The following PLEKHA7 variants were observed in gnomAD, a reference collection of about 807,000 sequenced individuals.
PLEKHA7 encodes the protein pleckstrin homology domain-containing family A member 7.
Under a neutral mutation model 170.0 loss-of-function variants are expected in PLEKHA7, and 104 were observed. That is an observed-to-expected ratio of 0.61 (90% CI 0.52 to 0.72). The LOEUF (loss-of-function observed/expected upper bound fraction) is 0.72, where lower values mean the gene tolerates loss of function less well. Ranked by LOEUF, PLEKHA7 falls within the 30% of genes least tolerant of loss-of-function variation. The pLI is 0.00. For synonymous variants in PLEKHA7, 648 were observed against 660.8 expected, an observed-to-expected ratio of 0.98 and a Z score of 0.30; for missense variants, 1,615 against 1,671.7, an observed-to-expected ratio of 0.97 and a Z score of 0.59.
At position 16,801,128 on chromosome 11, in the gene PLEKHA7, A is replaced by G. The variant is rs527777612; in HGVS notation, c.2308-53T>C. Reference sequence around the variant, plus strand: ...CTTAGTTATCCCCTGCCCCCTTGGAAGGCCTCACGAACACCTGTACTCCTG... The same window carrying G: ...CTTAGTTATCCCCTGCCCCCTTGGAGGGCCTCACGAACACCTGTACTCCTG... On this transcript the variant is annotated intron_variant, in intron 16 of 26. Coordinates refer to ENST00000531066, the MANE Select transcript of PLEKHA7 (RefSeq NM_001329630.2). 3.3e-6 allele frequency: 5 copies of G among 1,501,902 alleles called. No individual in the cohort carries two copies. In the African/African-American group the frequency reaches 5.5e-5, roughly 17 times the overall value. 93.0% of individuals were successfully genotyped at this position (1,501,902 alleles called of 1,614,324 possible). A position where few individuals can be genotyped will look rare whatever the true frequency, so the allele number is the denominator to read the frequency against.
intron 9 of PLEKHA7, among the ~76,000 whole-genome samples, chr11:16,832,552 A>C (rs1043877668): frequency 2.6e-5 from 4 of 152,182 alleles, no homozygotes; most frequent in African/African-American, 9.7e-5. Flanking sequence ...CAAATCATTT[A>C]TCTCATCAGG....
At chr11:16,844,203 GAAAT>G (rs1290040094) in intron 8 of PLEKHA7, among the ~76,000 whole-genome samples, 1 of 152,180 alleles carries the variant, frequency 6.6e-6, no homozygotes, top group Non-Finnish European at 1.5e-5. Flanking sequence ...CCTTGTCCAG[GAAAT>G]CAACATGGGA....
intron 3 of PLEKHA7, among the ~76,000 whole-genome samples, chr11:16,942,382 C>T (rs1228818655): frequency 6.6e-6 from 1 of 152,208 alleles, no homozygotes; most frequent in Non-Finnish European, 1.5e-5. Context: ...TTCCTATTCT[C>T]CTCATAATCC....
At chr11:16,816,354 G>A in intron 11 of PLEKHA7, 90 bp from the exon 12 acceptor site, 1 of 869,440 alleles carries the variant, frequency 1.2e-6, no homozygotes, top group Non-Finnish European at 1.9e-6. Flanking sequence ...TCCCCTCTGA[G>A]CCCCAGACTT....
chr11:16,787,163 G>C (rs1182915047), intron 23 of PLEKHA7: 3 of 985,316 alleles, frequency 3.0e-6, no homozygotes, highest in Admixed American at 6.1e-5. Flanking sequence ...TGTTGACCCA[G>C]GACCTGCATC....
At chr11:16,943,187 ATAT>A (rs1232513196) in intron 3 of PLEKHA7, among the ~76,000 whole-genome samples, 2 of 152,256 alleles carry the variant, frequency 1.3e-5, no homozygotes, top group Non-Finnish European at 2.9e-5. Flanking sequence ...AATTTTCATA[ATAT>A]ATTTTACTTA....
chr11:16,788,630 G>C, intron 23 of PLEKHA7: 1 of 195,788 alleles, frequency 5.1e-6, no homozygotes, highest in Non-Finnish European at 1.1e-5. Context: ...AGCCCAGGGA[G>C]ACCAGTGGCC....
intron 3 of PLEKHA7, among the ~76,000 whole-genome samples, chr11:16,939,711 T>A (rs758191163): frequency 9.9e-5 from 15 of 152,130 alleles, no homozygotes; most frequent in Non-Finnish European, 1.9e-4. Flanking sequence ...TTTTCGTGTT[T>A]TCTCTCCTCA....
At chr11:16,819,217 CCTCCTGAGTAG>C (rs1446225399) in intron 10 of PLEKHA7, among the ~76,000 whole-genome samples, 3 of 152,198 alleles carry the variant, frequency 2.0e-5, no homozygotes, top group African/African-American at 7.2e-5. Context: ...CCTGCCTCAG[CCTCCTGAGTAG>C]CTGGGACTAT....
rs1022597755 is a variant in PLEKHA7 at position 16,786,260 on chromosome 11, G to C, written c.3485C>G (p.Pro1162Arg). 1 of 1,536,158 alleles carries C rather than the reference G, an allele frequency of 6.5e-7. No individual in the cohort carries two copies. Among genetic ancestry groups the C allele is most frequent in the Admixed American group, 2.0e-5 (1 of 51,010 alleles). ...AMPVTELDLE[P>R]QDYDLDISRE... ...GCTGATGTCCAAGTCATAGTCTTGA[G>C]GCTCCAGGTCCAACTCAGTGACAGG... The change falls in exon 24 of 27, where the codon CCT becomes CGT. Residue 1162 changes from proline to arginine, a missense_variant. Coordinates refer to ENST00000531066, the MANE Select transcript of PLEKHA7 (RefSeq NM_001329630.2).
In PLEKHA7 at chr11:16,777,631, A is replaced by G. The variant is rs1848764213; in HGVS notation, c.*1367T>C. The G allele has an allele frequency of 6.6e-6, 1 of 152,244 alleles. No individual in the cohort carries two copies. Among genetic ancestry groups the G allele is most frequent in the South Asian group, 2.1e-4 (1 of 4,830 alleles). 9.4% of individuals were successfully genotyped at this position (152,244 alleles called of 1,614,324 possible). A position where few individuals can be genotyped will look rare whatever the true frequency, so the allele number is the denominator to read the frequency against. On this transcript the variant is annotated 3_prime_UTR_variant, in exon 27 of 27. Coordinates refer to ENST00000531066, the MANE Select transcript of PLEKHA7 (RefSeq NM_001329630.2). ...AAACGTCATTGTTTATATGCAGAAT[A>G]ATATAAGAAAACAACTTAAATAAAG...
At chr11:16,857,708 A>ATTTGTTTGTTTG (rs112185316) in intron 4 of PLEKHA7, among the ~76,000 whole-genome samples, 75 of 152,090 alleles carry the variant, frequency 4.9e-4, no homozygotes, top group Admixed American at 7.9e-4. Flanking sequence ...ATTTGTTTGA[A>ATTTGTTTGTTTG]TTTGTTTGTT....
At chr11:16,893,710 C>T (rs1274827300) in intron 3 of PLEKHA7, among the ~76,000 whole-genome samples, 1 of 152,188 alleles carries the variant, frequency 6.6e-6, no homozygotes, top group Admixed American at 6.5e-5. Flanking sequence ...GAATGACCCA[C>T]ATAAATCCTG....
rs1389742223 is a variant in PLEKHA7, at chr11:16,777,313, A to T, written c.*1685T>A. On this transcript the variant is annotated 3_prime_UTR_variant, in exon 27 of 27. Transcript: ENST00000531066. ...GGAAACGTATCAGGTTAATATTTTA[A>T]TCTGTACATCACATTTTTTTTGCAA... 1.3e-5 allele frequency: 2 copies of T among 152,164 alleles called. No individual in the cohort carries two copies. Among genetic ancestry groups the T allele is most frequent in the Non-Finnish European group, 2.9e-5 (2 of 68,042 alleles). 9.4% of individuals were successfully genotyped at this position (152,164 alleles called of 1,614,324 possible).
chr11:16,792,401 T>C (rs1238589160), intron 19 of PLEKHA7, among the ~76,000 whole-genome samples: 1 of 152,132 alleles, frequency 6.6e-6, no homozygotes, highest in African/African-American at 2.4e-5. Flanking sequence ...AAAAGAACTA[T>C]AGCCACATGC....
chr11:16,865,599 A>ACTCG (rs1854327375), intron 4 of PLEKHA7, among the ~76,000 whole-genome samples: 1 of 27,662 alleles, frequency 3.6e-5, no homozygotes, highest in Non-Finnish European at 1.9e-4. Flanking sequence ...TGGTGGGCTG[A>ACTCG]GGCAGGAGAA....
intron 13 of PLEKHA7, among the ~76,000 whole-genome samples, chr11:16,810,638 A>G (rs547359983): frequency 2.0e-4 from 30 of 152,342 alleles, no homozygotes; most frequent in South Asian, 1.9e-3. Flanking sequence ...AAGTCCAATA[A>G]CTAGATAACG....
chr11:16,794,791 G>A (rs936042437), intron 18 of PLEKHA7, 77 bp from the exon 19 acceptor site: 5 of 1,541,846 alleles, frequency 3.2e-6, no homozygotes, highest in Middle Eastern at 1.7e-4. Flanking sequence ...GAGTAATTTA[G>A]CACCTCGAAG....
intron 3 of PLEKHA7, among the ~76,000 whole-genome samples, chr11:16,885,308 C>T (rs752183908): frequency 1.4e-5 from 2 of 147,294 alleles, no homozygotes; most frequent in African/African-American, 2.5e-5. Flanking sequence ...CCAGCCTGGG[C>T]GACAGAGTGA....
Sources: gnomAD v4.1 joint callset for allele counts (sites outside exome capture counted in the v4.1 genomes callset) on GRCh38, gnomAD v4.1.1 for gene constraint, MANE v1.5 for transcripts, NCBI Gene and HGNC (gene_info 2026-07-23, HGNC 2026-07-21) for gene names.